The following BTRC variants were observed in gnomAD, a reference collection of about 807,000 sequenced individuals.
BTRC encodes F-box/WD repeat-containing protein 1A.
Under a neutral mutation model 85.5 loss-of-function variants are expected in BTRC, and 42 were observed. The observed-to-expected ratio is 0.49, with a 90% CI of 0.38 to 0.64. The LOEUF (loss-of-function observed/expected upper bound fraction) is 0.64. BTRC is among the 30% of genes least tolerant of loss of function. BTRC has a pLI of 0.00. For missense variants in BTRC, 594 were observed against 743.5 expected, an observed-to-expected ratio of 0.80 and a Z score of 2.34; for synonymous variants, 255 against 263.3, an observed-to-expected ratio of 0.97 and a Z score of 0.30.
At chr10:101,447,917 A>T (rs941605733) in intron 2 of BTRC, among the ~76,000 whole-genome samples, 2 of 152,150 alleles carry the variant, frequency 1.3e-5, no homozygotes, top group African/African-American at 4.8e-5. Flanking sequence ...TATTATTAAT[A>T]TTTCCAAAAA....
At chr10:101,536,447 A>G (rs1467000997) in intron 11 of BTRC, 96 bp from the exon 12 acceptor site, 5 of 841,984 alleles carry the variant, frequency 5.9e-6, no homozygotes, top group Non-Finnish European at 9.9e-6. Flanking sequence ...ATTTTATTTT[A>G]TGAATTTTTA....
At chr10:101,418,926 GT>G (rs1489330478) in intron 1 of BTRC, among the ~76,000 whole-genome samples, 1 of 151,754 alleles carries the variant, frequency 6.6e-6, no homozygotes, top group African/African-American at 2.4e-5. Flanking sequence ...CATATTCATT[GT>G]AAAATGCTTG....
intron 4 of BTRC, among the ~76,000 whole-genome samples, chr10:101,484,976 A>T (rs543217630): frequency 1.3e-5 from 2 of 152,346 alleles, no homozygotes; most frequent in Admixed American, 1.3e-4. Context: ...CAGATTAAGG[A>T]TGTAAGAATA....
At chr10:101,508,260 T>C in intron 4 of BTRC, among the ~76,000 whole-genome samples, 1 of 152,218 alleles carries the variant, frequency 6.6e-6, no homozygotes, top group East Asian at 1.9e-4. Flanking sequence ...GTTCATTTCC[T>C]ACTGGGCTTT....
rs71016324 is a variant in BTRC, at chr10:101,475,922, C to CATATATATATATATATATATATATAT, written c.235-3439_235-3414dup. On this transcript the variant is annotated intron_variant, in intron 3 of 14. Transcript: ENST00000370187. ...TTTGCATAGTCTCCAAGTATTTTGCCATATATATATATATATATATATATA... is the reference window on the plus strand; with the variant it reads ...TTTGCATAGTCTCCAAGTATTTTGCCATATATATATATATATATATATATATATATATATATATATATATATATATA... Among the ~76,000 whole-genome samples, 11 of 67,564 alleles carry CATATATATATATATATATATATATAT rather than the reference C, an allele frequency of 1.6e-4. 2 individuals are homozygous for CATATATATATATATATATATATATAT. The highest frequency in any genetic ancestry group is 4.6e-4 in the East Asian group (1 of 2,182). 44.3% of individuals were successfully genotyped at this position (67,564 alleles called of 152,430 possible).
intron 13 of BTRC, among the ~76,000 whole-genome samples, chr10:101,549,847 G>A (rs1433068174): frequency 6.6e-6 from 1 of 151,930 alleles, no homozygotes; most frequent in African/African-American, 2.4e-5. Flanking sequence ...GTAACTGCCA[G>A]TGGTGTGCTA....
chr10:101,485,251 A>G (rs1945951681), intron 4 of BTRC, among the ~76,000 whole-genome samples: 3 of 152,262 alleles, frequency 2.0e-5, no homozygotes, highest in African/African-American at 7.2e-5. Flanking sequence ...CTAAAATAAG[A>G]GTAATTGCTT....
At chr10:101,495,083 A>G (rs1291519941) in intron 4 of BTRC, among the ~76,000 whole-genome samples, 1 of 152,082 alleles carries the variant, frequency 6.6e-6, no homozygotes, top group Non-Finnish European at 1.5e-5. Flanking sequence ...AAAACTTTCT[A>G]TTTTCCTCTA....
At chr10:101,465,084 A>G (rs997252091) in intron 3 of BTRC, among the ~76,000 whole-genome samples, 7 of 151,980 alleles carry the variant, frequency 4.6e-5, no homozygotes, top group East Asian at 3.8e-4. Context: ...ATGAAGTGCC[A>G]TTTGCTATTT....
chr10:101,424,484 A>G (rs1426192698), intron 1 of BTRC, among the ~76,000 whole-genome samples: 1 of 152,230 alleles, frequency 6.6e-6, no homozygotes, highest in African/African-American at 2.4e-5. Flanking sequence ...CCATGGCTTA[A>G]GGATACGTAA....
intron 2 of BTRC, among the ~76,000 whole-genome samples, chr10:101,444,820 G>A (rs1944779740): frequency 6.6e-6 from 1 of 152,186 alleles, no homozygotes; most frequent in Non-Finnish European, 1.5e-5. Flanking sequence ...TGCCAGCATA[G>A]CAGTGAACAA....
intron 3 of BTRC, 89 bp downstream of exon 3, chr10:101,462,147 A>T: frequency 5.6e-6 from 6 of 1,063,840 alleles, no homozygotes; most frequent in Non-Finnish European, 8.4e-6. Flanking sequence ...TTCTTTAAGC[A>T]CTGGAGCTTA....
intron 13 of BTRC, among the ~76,000 whole-genome samples, chr10:101,544,301 A>G (rs1175616748): frequency 1.3e-5 from 2 of 151,592 alleles, no homozygotes; most frequent in African/African-American, 4.9e-5. Flanking sequence ...TATAAATTCT[A>G]TTTCCATCTG....
intron 1 of BTRC, among the ~76,000 whole-genome samples, chr10:101,383,386 G>C: frequency 7.4e-6 from 1 of 135,714 alleles, no homozygotes; most frequent in East Asian, 2.0e-4. Context: ...GCTTCTATAA[G>C]TCTTCCTTTT....
At chr10:101,389,739 C>T (rs1412541259) in intron 1 of BTRC, among the ~76,000 whole-genome samples, 1 of 150,734 alleles carries the variant, frequency 6.6e-6, no homozygotes, top group Non-Finnish European at 1.5e-5. Context: ...ATCCTTCTGC[C>T]TCAGCCTCTG....
chr10:101,477,418 T>A (rs1439125202), intron 3 of BTRC, among the ~76,000 whole-genome samples: 4 of 152,230 alleles, frequency 2.6e-5, no homozygotes, highest in Non-Finnish European at 4.4e-5. Context: ...TTTCTATTAA[T>A]ATATTGTCCA....
intron 4 of BTRC, among the ~76,000 whole-genome samples, chr10:101,494,630 A>T (rs1340211485): frequency 6.6e-6 from 1 of 152,026 alleles, no homozygotes; most frequent in Non-Finnish European, 1.5e-5. Flanking sequence ...GAACTTATTA[A>T]TTAGCTGGTT....
At chr10:101,510,493 G>A (rs916456079) in intron 4 of BTRC, among the ~76,000 whole-genome samples, 5 of 146,074 alleles carry the variant, frequency 3.4e-5, no homozygotes, top group African/African-American at 1.2e-4. Context: ...CTGAGCGACA[G>A]ATTGAGACTC....
rs1432648163 is a variant in BTRC at position 101,550,900 on chromosome 10, A to G, written c.*31+9A>G. Reference sequence around the variant, plus strand: ...ACCTCATACTTGCCCAGGTATCGAAATCGATTATGTACATAACACTGTGGG... The same window carrying G: ...ACCTCATACTTGCCCAGGTATCGAAGTCGATTATGTACATAACACTGTGGG... On this transcript the variant is annotated intron_variant, in intron 14 of 14. Transcript: ENST00000370187. 8.2e-6 allele frequency: 13 copies of G among 1,588,588 alleles called. No individual in the cohort carries two copies. The highest frequency in any genetic ancestry group is 1.0e-5 in the Non-Finnish European group (12 of 1,159,660).
Sources: allele counts gnomAD v4.1 joint callset (sites outside exome capture counted in the v4.1 genomes callset), GRCh38; gene constraint gnomAD v4.1.1; transcripts MANE v1.5; gene names NCBI Gene and HGNC (gene_info 2026-07-23, HGNC 2026-07-21).